BAZ2B: variants seen among roughly 807,000 people sequenced by gnomAD.
The protein encoded by BAZ2B is bromodomain adjacent to zinc finger domain protein 2B.
BAZ2B carries 91 observed loss-of-function variants against 246.0 expected under a neutral mutation model. The ratio of observed to expected loss-of-function variants is 0.37; its 90% confidence interval spans 0.31 to 0.44. The LOEUF (loss-of-function observed/expected upper bound fraction) is 0.44, where lower values mean the gene tolerates loss of function less well. BAZ2B is among the 20% of genes least tolerant of loss of function. The probability of loss-of-function intolerance (pLI) is 1.00; values close to 1 mark genes in which losing one functional copy is unlikely to be tolerated. For synonymous variants in BAZ2B, 855 were observed against 860.0 expected (o/e 0.99, Z 0.10); for missense variants, 2,332 against 2,533.7 (o/e 0.92, Z 1.71).
chr2:159,397,123 C>T (rs1043036938), intron 19 of BAZ2B: 1 of 1,467,934 alleles, frequency 6.8e-7, no homozygotes, highest in Non-Finnish European at 9.1e-7. Flanking sequence ...GTTGGCACAA[C>T]ATTATGAAAC....
At chr2:159,467,651 A>T (rs1577388869) in intron 3 of BAZ2B, among the ~76,000 whole-genome samples, 2 of 152,088 alleles carry the variant, frequency 1.3e-5, no homozygotes, top group Admixed American at 6.6e-5. Context: ...AAATTTTTTT[A>T]AATTAAGTGA....
chr2:159,622,474 G>A, the BAZ2B span, among the ~76,000 whole-genome samples: 1 of 151,990 alleles, frequency 6.6e-6, no homozygotes, highest in Non-Finnish European at 1.5e-5. Flanking sequence ...TCCCAGCAAT[G>A]GTCAAAACCA....
intron 1 of BAZ2B, among the ~76,000 whole-genome samples, chr2:159,581,244 G>A (rs1197465646): frequency 2.0e-5 from 3 of 151,320 alleles, no homozygotes; most frequent in Non-Finnish European, 3.0e-5. Context: ...AAACCACCAC[G>A]TCAAAAAGTG....
intron 1 of BAZ2B, among the ~76,000 whole-genome samples, chr2:159,583,178 G>A (rs7596462): frequency 0.55 from 82,705 of 150,258 alleles, 23,448 homozygotes; most frequent in East Asian, 0.74. Flanking sequence ...ACAGTGGCGC[G>A]ATCTCAGCTC....
At chr2:159,666,577 T>C in the BAZ2B span, among the ~76,000 whole-genome samples, 1 of 152,004 alleles carries the variant, frequency 6.6e-6, no homozygotes, top group Non-Finnish European at 1.5e-5. Flanking sequence ...ACTTTTAAAA[T>C]TCTAAGAACA....
intron 27 of BAZ2B, among the ~76,000 whole-genome samples, chr2:159,366,894 T>C (rs1408256938): frequency 6.6e-6 from 1 of 152,096 alleles, no homozygotes; most frequent in Non-Finnish European, 1.5e-5. Context: ...CGCATATATC[T>C]AGTGAGCCAC....
chr2:159,449,989 G>C (rs976355356), intron 4 of BAZ2B, among the ~76,000 whole-genome samples: 2 of 152,110 alleles, frequency 1.3e-5, no homozygotes, highest in Non-Finnish European at 2.9e-5. Flanking sequence ...TTGGGCAACA[G>C]AGAGAGACCC....
rs1480439679 is a variant in BAZ2B at position 159,389,374 on chromosome 2, T to C, written c.3187A>G (p.Asn1063Asp). 1.9e-6 allele frequency: 3 copies of C among 1,611,188 alleles called. 1 individual carries two copies. The Admixed American group carries it at 5.0e-5, about 27-fold the overall frequency. Residue 1063 changes from asparagine to aspartate, a missense_variant, in exon 21 of 37, where the codon AAT (asparagine) becomes GAT (aspartate). By Grantham distance (23) the Asn-to-Asp change is conservative. This residue lies in a region of BAZ2B where 328 missense variants were observed against 410.4 expected (regional missense o/e 0.80). Coordinates refer to ENST00000392783, the MANE Select transcript of BAZ2B (RefSeq NM_013450.4). The stretch of plus-strand genomic sequence containing the variant: ...TGGTCTGCTAAGCACATGTCTTCAT[T>C]AGGCTTCTTTAGTTCCTTTGCCATT... ...LEMAKELKKP[N>D]EDMCLADQKP...
At chr2:159,357,236 T>C (rs917265590) in intron 27 of BAZ2B, among the ~76,000 whole-genome samples, 3 of 151,388 alleles carry the variant, frequency 2.0e-5, no homozygotes, top group Non-Finnish European at 4.4e-5. Flanking sequence ...TGAAAAAAGG[T>C]TAGAGGAATG....
intron 33 of BAZ2B, 102 bp from the exon 34 acceptor site, chr2:159,332,788 C>T (rs1220059459): frequency 6.9e-6 from 9 of 1,312,028 alleles, no homozygotes; most frequent in Admixed American, 2.2e-5. Flanking sequence ...TAGTAATGAA[C>T]ATTCCGCTTG....
chr2:159,571,068 G>C (rs138383852), intron 1 of BAZ2B, among the ~76,000 whole-genome samples: 5,502 of 152,144 alleles, frequency 0.036, 151 homozygotes, highest in Non-Finnish European at 0.052. Context: ...TGACCAGGCT[G>C]GTCTTGAACT....
chr2:159,440,399 G>A (rs188548550), intron 6 of BAZ2B, among the ~76,000 whole-genome samples: 3 of 152,106 alleles, frequency 2.0e-5, no homozygotes, highest in Non-Finnish European at 4.4e-5. Context: ...TTGAAGCCAC[G>A]GTTACAGATT....
chr2:159,471,485 G>A (rs567408511), intron 3 of BAZ2B, among the ~76,000 whole-genome samples: 61 of 152,228 alleles, frequency 4.0e-4, no homozygotes, highest in Middle Eastern at 3.4e-3. Context: ...AGCTACTAAG[G>A]AGGCTGAGGT....
intron 10 of BAZ2B, among the ~76,000 whole-genome samples, chr2:159,429,984 T>C (rs2070773116): frequency 6.6e-6 from 1 of 152,122 alleles, no homozygotes; most frequent in South Asian, 2.1e-4. Context: ...AGTGTATAAA[T>C]GTTTAATGAA....
intron 1 of BAZ2B, among the ~76,000 whole-genome samples, chr2:159,556,495 A>G (rs12105396): frequency 6.6e-5 from 10 of 152,186 alleles, no homozygotes; most frequent in African/African-American, 2.4e-4. Flanking sequence ...CAGAGTCTCA[A>G]TCTCACCCAG....
chr2:159,609,540 A>T (rs940035079), intron 1 of BAZ2B, among the ~76,000 whole-genome samples: 2 of 152,194 alleles, frequency 1.3e-5, no homozygotes, highest in Non-Finnish European at 2.9e-5. Flanking sequence ...ATCCAGGATA[A>T]TTCTGTTATT....
the BAZ2B span, among the ~76,000 whole-genome samples, chr2:159,645,851 G>A: frequency 2.0e-5 from 3 of 152,062 alleles, no homozygotes; most frequent in Admixed American, 6.6e-5. Context: ...GGGAGTGTAC[G>A]AATAGGGTGT....
chr2:159,521,487 T>C (rs1289015325), intron 2 of BAZ2B, among the ~76,000 whole-genome samples: 2 of 152,048 alleles, frequency 1.3e-5, no homozygotes, highest in Non-Finnish European at 2.9e-5. Flanking sequence ...AGAACAGACA[T>C]TGCATAACAA....
chr2:159,428,981 C>T (rs1381327882), intron 11 of BAZ2B, among the ~76,000 whole-genome samples: 3 of 152,084 alleles, frequency 2.0e-5, no homozygotes, highest in Non-Finnish European at 4.4e-5. Flanking sequence ...TTGGCTGTAT[C>T]ATCCCACCCC....
Sources: allele counts gnomAD v4.1 joint callset (sites outside exome capture counted in the v4.1 genomes callset), GRCh38; gene constraint gnomAD v4.1.1; regional missense constraint gnomAD v4.1.1; transcripts MANE v1.5; gene names NCBI Gene and HGNC (gene_info 2026-07-23, HGNC 2026-07-21).